The following TRAM2 variants were observed in gnomAD, a reference collection of about 807,000 sequenced individuals.
The protein encoded by TRAM2 is translocating chain-associated membrane protein 2.
In TRAM2, 12 loss-of-function variants were observed where a neutral mutation model predicts 51.0. The ratio of observed to expected loss-of-function variants is 0.24; its 90% CI spans 0.15 to 0.38. The LOEUF (loss-of-function observed/expected upper bound fraction) is 0.38. Among genes scored for constraint, TRAM2 ranks in the 10% least tolerant of loss-of-function variants. The pLI is 1.00. For missense variants in TRAM2, 361 were observed against 462.0 expected, an observed-to-expected ratio of 0.78 and a Z score of 2.00; for synonymous variants, 175 against 179.4, an observed-to-expected ratio of 0.98 and a Z score of 0.20.
In TRAM2 at chr6:52,577,051, G is replaced by T. The variant is rs1014610273; in HGVS notation, c.-136C>A. The T allele has an allele frequency of 2.8e-6, 3 of 1,089,588 alleles. No homozygotes were observed. The highest frequency in any genetic ancestry group is 3.6e-4 in the Middle Eastern group (1 of 2,808). The allele number at this position is 1,089,588 out of a possible 1,614,324, so 67.5% of individuals were successfully genotyped here. ...CACAGCCGCTCGCCCGCCCAGCGCG[G>T]AACAACTTCGGGGCCCGCCCCCTTC... On this transcript the variant is annotated 5_prime_UTR_variant, in exon 1 of 11. Transcript: ENST00000182527.
rs556302197 is a variant in TRAM2 at position 52,518,629 on chromosome 6, T to A, written c.185-1892A>T. ...AGGAGGGCTGTCAGTGAGAGAGAGC[T>A]GATGAGCCTTGGCCACTGAGGACCG... On this transcript the variant is annotated intron_variant, in intron 2 of 10. Transcript: ENST00000182527. Among the ~76,000 whole-genome samples, 3 of 151,966 alleles carry A rather than the reference T, an allele frequency of 2.0e-5. No homozygotes were observed. The South Asian group carries it at 6.2e-4, about 32-fold the overall frequency.
chr6:52,555,218 C>G (rs1392455318), intron 1 of TRAM2, among the ~76,000 whole-genome samples: 1 of 152,126 alleles, frequency 6.6e-6, no homozygotes, highest in African/African-American at 2.4e-5. Flanking sequence ...GTCAAGCCCC[C>G]TCCTCCTGCC....
chr6:52,535,914 C>T, intron 1 of TRAM2, 68 bp from the exon 2 acceptor site: 1 of 1,352,738 alleles, frequency 7.4e-7, no homozygotes, highest in South Asian at 1.2e-5. Flanking sequence ...GTGGAAGCTG[C>T]TAACCGCCCC....
At chr6:52,571,969 C>T (rs999000762) in intron 1 of TRAM2, among the ~76,000 whole-genome samples, 11 of 152,178 alleles carry the variant, frequency 7.2e-5, no homozygotes, top group African/African-American at 2.7e-4. Context: ...ATGTCATTAA[C>T]CAATCAATGT....
At chr6:52,530,496 G>A (rs1766868551) in intron 2 of TRAM2, among the ~76,000 whole-genome samples, 1 of 152,172 alleles carries the variant, frequency 6.6e-6, no homozygotes, top group Non-Finnish European at 1.5e-5. Context: ...TTTAGAAACA[G>A]GGTCTCTGCA....
intron 1 of TRAM2, among the ~76,000 whole-genome samples, chr6:52,570,346 A>T (rs1027184904): frequency 2.0e-5 from 3 of 152,228 alleles, no homozygotes; most frequent in African/African-American, 7.2e-5. Flanking sequence ...AAAGCCTCCA[A>T]GTGGAACAAA....
chr6:52,536,066 C>CATCATA (rs1294722751), intron 1 of TRAM2, among the ~76,000 whole-genome samples: 1 of 152,230 alleles, frequency 6.6e-6, no homozygotes, highest in Non-Finnish European at 1.5e-5. Context: ...TAGACTGGTA[C>CATCATA]TCACTGCAGA....
In TRAM2 at chr6:52,506,154, T is replaced by C. The variant is rs1427566102; in HGVS notation, c.627-18A>G. The C allele has an allele frequency of 6.2e-7, 1 of 1,606,920 alleles. No homozygotes were observed. Among genetic ancestry groups the C allele is most frequent in the South Asian group, 1.1e-5 (1 of 90,986 alleles). On this transcript the variant is annotated intron_variant, in intron 7 of 10. Coordinates refer to ENST00000182527, the MANE Select transcript of TRAM2 (RefSeq NM_012288.4). ...GGCTCAGGCTGGGGGTGGGGAAGACTAGACTTACATTCCCTCCAAGATGCT... is the reference window on the plus strand; with the variant it reads ...GGCTCAGGCTGGGGGTGGGGAAGACCAGACTTACATTCCCTCCAAGATGCT...
intron 2 of TRAM2, among the ~76,000 whole-genome samples, chr6:52,517,538 T>A (rs1288340496): frequency 6.6e-6 from 1 of 152,226 alleles, no homozygotes; most frequent in South Asian, 2.1e-4. Context: ...ATCCCAGGTA[T>A]AGAAATCTTG....
At chr6:52,527,550 TAGG>T (rs768010871) in intron 2 of TRAM2, among the ~76,000 whole-genome samples, 1 of 152,058 alleles carries the variant, frequency 6.6e-6, no homozygotes, top group Non-Finnish European at 1.5e-5. Flanking sequence ...GATGATTCAC[TAGG>T]AGAAGACATT....
Position 52,507,565 on chromosome 6 carries a change from G to C in TRAM2, c.614C>G (p.Ala205Gly). 6.2e-7 allele frequency: 1 copy of C among 1,614,198 alleles called. No individual in the cohort carries two copies. The stretch of plus-strand genomic sequence containing the variant: ...TGGTCTCACTCACTTTAAGAGGTAT[G>C]CTCCAGCTATATGCACCAGGTACAG... ...ICLYLVHIAGAYLLNLSRLGL... is the reference protein window; with the variant it reads ...ICLYLVHIAGGYLLNLSRLGL... The change falls in exon 7 of 11, where the codon GCA (alanine) becomes GGA (glycine). Residue 205 changes from alanine to glycine, a missense_variant. Coordinates refer to ENST00000182527, the MANE Select transcript of TRAM2 (RefSeq NM_012288.4).
intron 2 of TRAM2, chr6:52,522,950 G>A (rs1006245677): frequency 1.1e-5 from 8 of 701,968 alleles, no homozygotes; most frequent in East Asian, 5.4e-5. Flanking sequence ...CCCACTGTGC[G>A]GTCTCTGACC....
chr6:52,546,688 GTGGA>G (rs1767207426), intron 1 of TRAM2, among the ~76,000 whole-genome samples: 1 of 152,166 alleles, frequency 6.6e-6, no homozygotes, highest in Non-Finnish European at 1.5e-5. Flanking sequence ...ACAGGGTGTT[GTGGA>G]TGGCTGGGGG....
At chr6:52,542,941 A>C (rs1251459516) in intron 1 of TRAM2, among the ~76,000 whole-genome samples, 1 of 152,258 alleles carries the variant, frequency 6.6e-6, no homozygotes, top group Non-Finnish European at 1.5e-5. Context: ...TTGGGAAATT[A>C]ATCGGGTACT....
intron 2 of TRAM2, among the ~76,000 whole-genome samples, chr6:52,517,900 AG>A (rs1441746870): frequency 6.6e-6 from 1 of 151,854 alleles, no homozygotes; most frequent in Non-Finnish European, 1.5e-5. Context: ...GGCAGTGGTG[AG>A]GGGGTGGGAG....
At chr6:52,545,273 T>C (rs779348123) in intron 1 of TRAM2, among the ~76,000 whole-genome samples, 9 of 152,204 alleles carry the variant, frequency 5.9e-5, no homozygotes, top group Non-Finnish European at 8.8e-5. Context: ...CATGGCTCAA[T>C]GTGCAAAACC....
chr6:52,556,511 A>AC (rs1767408920), intron 1 of TRAM2, among the ~76,000 whole-genome samples: 1 of 151,282 alleles, frequency 6.6e-6, no homozygotes, highest in Admixed American at 6.6e-5. Flanking sequence ...CAAACCCCTG[A>AC]CCTCAAGTGA....
chr6:52,576,778 T>TC lies in TRAM2; in HGVS notation c.120+17dup, dbSNP rs1293943948. On this transcript the variant is annotated intron_variant, in intron 1 of 10. Transcript: ENST00000182527. ...AGGGGGCACTGTCCCTCCAGCTCCC[T>TC]CCTCCCCAGGCTCTCACCTCGAACA... The TC allele has an allele frequency of 6.2e-7, 1 of 1,610,816 alleles. No individual in the cohort carries two copies. Among genetic ancestry groups the TC allele is most frequent in the Non-Finnish European group, 8.5e-7 (1 of 1,178,470 alleles).
intron 5 of TRAM2, 34 bp from the exon 6 acceptor site, chr6:52,508,352 T>C (rs893172718): frequency 8.1e-6 from 13 of 1,601,048 alleles, no homozygotes; most frequent in Admixed American, 3.3e-5. Flanking sequence ...ACGGGCAGGA[T>C]AGAGAAAAGT....
Sources: gnomAD v4.1 joint callset for allele counts (sites outside exome capture counted in the v4.1 genomes callset) on GRCh38, gnomAD v4.1.1 for gene constraint, MANE v1.5 for transcripts, NCBI Gene and HGNC (gene_info 2026-07-23, HGNC 2026-07-21) for gene names.